The following DLGAP2 variants were observed in gnomAD, a reference collection of about 807,000 sequenced individuals.
The protein encoded by DLGAP2 is disks large-associated protein 2.
DLGAP2 carries 26 observed loss-of-function variants against 100.3 expected under a neutral mutation model. The observed-to-expected ratio is 0.26, with a 90% CI of 0.19 to 0.36. The LOEUF is 0.36. DLGAP2 is among the 10% of genes least tolerant of loss of function. DLGAP2 has a pLI of 1.00. For missense variants in DLGAP2, 1,858 were observed against 1,453.2 expected, an observed-to-expected ratio of 1.28 and a Z score of -4.53; for synonymous variants, 886 against 630.1, an observed-to-expected ratio of 1.41 and a Z score of -6.08.
chr8:1,214,723 A>C (rs1798177739), intron 2 of DLGAP2, among the ~76,000 whole-genome samples: 1 of 152,256 alleles, frequency 6.6e-6, no homozygotes, highest in Non-Finnish European at 1.5e-5. Flanking sequence ...TCGCACAGAC[A>C]CAGCAGGTGT....
rs1009089351 is a variant in DLGAP2 at position 1,702,571 on chromosome 8, C to T, written c.*1165C>T. ...GAATATATTCCTTGCCTGTGTTAGA[C>T]ATGAAGGGAAAAAGAGGTCACATAT... On this transcript the variant is annotated 3_prime_UTR_variant, in exon 15 of 15. Coordinates refer to ENST00000637795, the MANE Select transcript of DLGAP2 (RefSeq NM_001346810.2). The T allele has an allele frequency of 2.5e-4, 38 of 151,766 alleles. 1 individual carries two copies. Among genetic ancestry groups the T allele is most frequent in the Admixed American group, 2.2e-3 (33 of 15,206 alleles). The allele number at this position is 151,766 out of a possible 1,614,324, so 9.4% of individuals were successfully genotyped here.
chr8:744,281 G>A (rs1357452624), intron 1 of DLGAP2, among the ~76,000 whole-genome samples: 3 of 152,234 alleles, frequency 2.0e-5, no homozygotes, highest in East Asian at 1.9e-4. Context: ...GACTGTTAGG[G>A]TGACACCTCT....
At chr8:1,345,697 G>A (rs186849103) in intron 3 of DLGAP2, among the ~76,000 whole-genome samples, 1 of 152,188 alleles carries the variant, frequency 6.6e-6, no homozygotes, top group Non-Finnish European at 1.5e-5. Context: ...ATGCACAGAG[G>A]GTGGTGAAGG....
At chr8:953,237 C>T (rs1264219466) in intron 2 of DLGAP2, among the ~76,000 whole-genome samples, 1 of 152,056 alleles carries the variant, frequency 6.6e-6, no homozygotes, top group Non-Finnish European at 1.5e-5. Context: ...CTCCATTGCC[C>T]AGGCTGGAGT....
chr8:1,680,001 AAAG>A (rs1786270688), intron 12 of DLGAP2, among the ~76,000 whole-genome samples: 1 of 151,008 alleles, frequency 6.6e-6, no homozygotes, highest in Non-Finnish European at 1.5e-5. Context: ...AAAAAAAAAA[AAAG>A]AGCTCAGAAG....
At chr8:1,357,906 G>T (rs562021796) in intron 3 of DLGAP2, among the ~76,000 whole-genome samples, 92 of 152,302 alleles carry the variant, frequency 6.0e-4, no homozygotes, top group East Asian at 4.8e-3. Flanking sequence ...TGACATGGAT[G>T]TTGGCTCCCC....
At chr8:1,673,088 T>A (rs943805504) in intron 10 of DLGAP2, among the ~76,000 whole-genome samples, 1 of 152,202 alleles carries the variant, frequency 6.6e-6, no homozygotes, top group African/African-American at 2.4e-5. Flanking sequence ...TTCATCTTTT[T>A]TTCTTGCACC....
intron 12 of DLGAP2, among the ~76,000 whole-genome samples, chr8:1,681,720 C>T (rs2130860262): frequency 6.6e-6 from 1 of 152,348 alleles, no homozygotes; most frequent in South Asian, 2.1e-4. Flanking sequence ...GTGCCGAATG[C>T]ACTGCAGACC....
At chr8:1,560,066 C>G (rs1802108842) in intron 5 of DLGAP2, among the ~76,000 whole-genome samples, 1 of 152,160 alleles carries the variant, frequency 6.6e-6, no homozygotes, top group Non-Finnish European at 1.5e-5. Flanking sequence ...TGTGGCTTTT[C>G]TTAAATTAAA....
At chr8:1,362,014 C>T (rs770704630) in intron 3 of DLGAP2, among the ~76,000 whole-genome samples, 6 of 152,206 alleles carry the variant, frequency 3.9e-5, no homozygotes, top group Admixed American at 6.5e-5. Context: ...TGGCCCCTTC[C>T]GTGCTACGGT....
At chr8:1,546,657 C>T (rs1311993144) in intron 4 of DLGAP2, among the ~76,000 whole-genome samples, 3 of 152,180 alleles carry the variant, frequency 2.0e-5, no homozygotes, top group Admixed American at 1.3e-4. Context: ...AACTCTCACT[C>T]CCCATCACTC....
chr8:1,367,231 G>C (rs144587782), intron 3 of DLGAP2, among the ~76,000 whole-genome samples: 9 of 152,314 alleles, frequency 5.9e-5, no homozygotes, highest in African/African-American at 2.2e-4. Flanking sequence ...ACCATAGCCT[G>C]GTGACTTCCT....
intron 2 of DLGAP2, among the ~76,000 whole-genome samples, chr8:1,122,539 A>C (rs1563203294): frequency 6.6e-6 from 1 of 152,196 alleles, no homozygotes; most frequent in African/African-American, 2.4e-5. Flanking sequence ...TTTATCATAA[A>C]CTGTTTTGTC....
chr8:965,689 C>T (rs1400027887), intron 2 of DLGAP2, among the ~76,000 whole-genome samples: 11 of 144,054 alleles, frequency 7.6e-5, no homozygotes, highest in Admixed American at 6.8e-4. Flanking sequence ...GCACTGTTCA[C>T]CTCACACGGC....
chr8:1,119,054 C>T (rs1468691544), intron 2 of DLGAP2, among the ~76,000 whole-genome samples: 1 of 152,128 alleles, frequency 6.6e-6, no homozygotes, highest in South Asian at 2.1e-4. Flanking sequence ...ACAACTTTAC[C>T]ATTAACTATT....
chr8:1,538,806 G>A (rs1801247994), intron 4 of DLGAP2, among the ~76,000 whole-genome samples: 1 of 151,568 alleles, frequency 6.6e-6, no homozygotes, highest in African/African-American at 2.4e-5. Flanking sequence ...GGGTGGACAT[G>A]TGTGTGAATC....
In DLGAP2 at chr8:1,226,322, C is replaced by T. The variant is rs924643692; in HGVS notation, c.74-32529C>T. On this transcript the variant is annotated intron_variant, in intron 2 of 14. Transcript: ENST00000637795. ...GGAATGGGACCATGTCCTTTGCAGG[C>T]GCATAGATGAAGCTGGAAGCCATTA... 1.8e-4 allele frequency among the ~76,000 whole-genome samples: 28 copies of T among 152,130 alleles called. 1 individual carries two copies. The highest frequency in any genetic ancestry group is 1.2e-3 in the East Asian group (6 of 5,172).
intron 3 of DLGAP2, among the ~76,000 whole-genome samples, chr8:1,446,403 G>C (rs986932985): frequency 3.3e-5 from 5 of 152,158 alleles, no homozygotes; most frequent in Non-Finnish European, 7.3e-5. Flanking sequence ...GATGGTTGTA[G>C]ATATGTGGCA....
chr8:1,227,087 A>C (rs1274386852), intron 2 of DLGAP2, among the ~76,000 whole-genome samples: 2 of 144,710 alleles, frequency 1.4e-5, no homozygotes, highest in African/African-American at 5.5e-5. Flanking sequence ...AGCGTATTTC[A>C]CAATAGCCGA....
Sources: gnomAD v4.1 joint callset for allele counts (sites outside exome capture counted in the v4.1 genomes callset) on GRCh38, gnomAD v4.1.1 for gene constraint, MANE v1.5 for transcripts, NCBI Gene and HGNC (gene_info 2026-07-23, HGNC 2026-07-21) for gene names.